Variants in PFKFB3 observed in about 807,000 individuals in gnomAD.
PFKFB3 encodes the protein 6-phosphofructo-2-kinase/fructose-2,6-bisphosphatase 3.
In PFKFB3, 33 loss-of-function variants were observed where a neutral mutation model predicts 68.0. The observed-to-expected ratio is 0.49, with a 90% CI of 0.37 to 0.65. The LOEUF is 0.65. Among genes scored for constraint, PFKFB3 ranks in the 30% least tolerant of loss-of-function variants. PFKFB3 has a pLI of 0.00. For synonymous variants in PFKFB3, 315 were observed against 288.2 expected (o/e 1.09, Z -0.94); for missense variants, 586 against 712.2 (o/e 0.82, Z 2.02).
chr10:6,204,563 C>A (rs1416693832), intron 1 of PFKFB3, among the ~76,000 whole-genome samples: 1 of 152,256 alleles, frequency 6.6e-6, no homozygotes, highest in Non-Finnish European at 1.5e-5. Context: ...AGCAGATCCA[C>A]CCTGGTGGAC....
rs1183490047 is a variant in PFKFB3, at chr10:6,175,231, A to C, written c.16+30218A>C. ...GAGAGAATATGAGGTTGTCATTTCA[A>C]TGGCCATTATGACCAGAAAATTGTG... On this transcript the variant is annotated intron_variant, in intron 1 of 14. Transcript: ENST00000379789. Among the ~76,000 whole-genome samples, 3 of 152,166 alleles carry C rather than the reference A, an allele frequency of 2.0e-5. No individual in the cohort carries two copies. In the East Asian group the frequency reaches 5.8e-4, roughly 29 times the overall value.
rs1844475749 is a variant in PFKFB3, at chr10:6,215,116, G to A, written c.203-105G>A. 1 of 867,482 alleles carries A rather than the reference G, an allele frequency of 1.2e-6. No homozygotes were observed. Among genetic ancestry groups the A allele is most frequent in the Non-Finnish European group, 1.9e-6 (1 of 526,198 alleles). The allele number at this position is 867,482 out of a possible 1,614,324, so 53.7% of individuals were successfully genotyped here. A position where few individuals can be genotyped will look rare whatever the true frequency, so the allele number is the denominator to read the frequency against. The stretch of plus-strand genomic sequence containing the variant: ...TCCACACCATCTCATTCAAGTCGGT[G>A]TGGTTGGCCTGGTGGCTCTTCCTTT... On this transcript the variant is annotated intron_variant, in intron 2 of 14. Coordinates refer to ENST00000379775, the MANE Select transcript of PFKFB3 (RefSeq NM_004566.4). This position sits in a 1 kb window ranked among gnomAD's most constrained non-coding sequence, Gnocchi z 4.3.
At chr10:6,195,379 T>C (rs949142347) in intron 1 of PFKFB3, among the ~76,000 whole-genome samples, 1 of 152,132 alleles carries the variant, frequency 6.6e-6, no homozygotes, top group Admixed American at 6.5e-5. Context: ...TGTGTCTGGG[T>C]CTGCACAATA....
the PFKFB3 span, among the ~76,000 whole-genome samples, chr10:6,260,178 C>T: frequency 6.6e-6 from 1 of 152,092 alleles, no homozygotes; most frequent in Non-Finnish European, 1.5e-5. Context: ...CTTTGGGAGG[C>T]TGAGGCAGGT....
chr10:6,162,125 G>A (rs1371578632), intron 1 of PFKFB3, among the ~76,000 whole-genome samples: 1 of 151,214 alleles, frequency 6.6e-6, no homozygotes, highest in Non-Finnish European at 1.5e-5. Context: ...TCATGTGAGT[G>A]GAATCTTACA....
chr10:6,294,576 G>A, the PFKFB3 span: 259 of 167,966 alleles, frequency 1.5e-3, no homozygotes, highest in African/African-American at 5.7e-3. Context: ...TGGGAATTAC[G>A]GGAGCTACAA....
chr10:6,237,228 T>C (rs554084638), downstream of PFKFB3, among the ~76,000 whole-genome samples: 2 of 152,368 alleles, frequency 1.3e-5, no homozygotes, highest in South Asian at 4.1e-4. Context: ...TCGCAGTGTG[T>C]GTTGAATGCC....
chr10:6,231,424 T>C (rs1365393298), intron 14 of PFKFB3: 5 of 1,559,970 alleles, frequency 3.2e-6, no homozygotes, highest in South Asian at 2.3e-5. Flanking sequence ...CATGCCGAGG[T>C]TGTTAAGTGC....
chr10:6,172,227 G>T (rs546770153), intron 1 of PFKFB3, among the ~76,000 whole-genome samples: 1 of 152,216 alleles, frequency 6.6e-6, no homozygotes, highest in Non-Finnish European at 1.5e-5. Flanking sequence ...TGCAGCCCAC[G>T]TCGGGAGGGC....
the PFKFB3 span, among the ~76,000 whole-genome samples, chr10:6,280,670 G>A: frequency 6.6e-6 from 1 of 152,150 alleles, no homozygotes; most frequent in South Asian, 2.1e-4. Flanking sequence ...GGGGCATGAG[G>A]CTCTCTAGGA....
At chr10:6,200,286 G>A (rs143329297), upstream of PFKFB3, among the ~76,000 whole-genome samples, 567 of 152,160 alleles carry the variant, frequency 3.7e-3, 2 homozygotes, top group African/African-American at 0.013. Context: ...CGTATTAGAG[G>A]AACATTTACG....
Position 6,185,340 on chromosome 10 carries a change from T to G in PFKFB3, c.17-28283T>G, listed in dbSNP as rs143166519. On this transcript the variant is annotated intron_variant, in intron 1 of 14. Coordinates refer to the PFKFB3 transcript ENST00000379789. ...GTTCCACTCATCCGCTTACTCACAG[T>G]GGCAGGAGGGTTAGCCACTAAGCTG... 7.7e-4 allele frequency among the ~76,000 whole-genome samples: 118 copies of G among 152,372 alleles called. No individual in the cohort carries two copies. In the East Asian group the frequency reaches 0.02, roughly 26 times the overall value.
chr10:6,290,189 C>T, the PFKFB3 span, among the ~76,000 whole-genome samples: 1 of 151,904 alleles, frequency 6.6e-6, no homozygotes, highest in Non-Finnish European at 1.5e-5. Context: ...AATTGAATAC[C>T]CTTTATTTCC....
the PFKFB3 span, among the ~76,000 whole-genome samples, chr10:6,296,368 A>G: frequency 6.6e-6 from 1 of 152,190 alleles, no homozygotes; most frequent in Non-Finnish European, 1.5e-5. Flanking sequence ...ATGTTACCGG[A>G]AAGGGGTCCC....
chr10:6,326,245 G>A, the PFKFB3 span, among the ~76,000 whole-genome samples: 6 of 152,150 alleles, frequency 3.9e-5, no homozygotes, highest in African/African-American at 1.2e-4. Context: ...AGAACCCGTG[G>A]ACACAGGGAG....
chr10:6,220,709 C>G lies in PFKFB3; in HGVS notation c.675C>G (p.Asn225Lys). 1.2e-6 allele frequency: 2 copies of G among 1,614,060 alleles called. No homozygotes were observed. Among genetic ancestry groups the G allele is most frequent in the Non-Finnish European group, 1.7e-6 (2 of 1,180,028 alleles). ...VIDVGRRFLV[N>K]RVQDHIQSRI... ...ACGTGGGCCGGAGGTTCCTGGTGAA[C>G]CGGGTGCAGGACCACATCCAGAGCC... Residue 225 changes from asparagine to lysine, a missense_variant, in exon 8 of 15, where the codon AAC (asparagine) becomes AAG (lysine). By Grantham distance (94) the Asn-to-Lys change is moderately conservative. Coordinates refer to ENST00000379775, the MANE Select transcript of PFKFB3 (RefSeq NM_004566.4). The surrounding 1 kb of genome is among the most constrained non-coding windows in gnomAD (Gnocchi z 4.1).
chr10:6,301,928 C>T, the PFKFB3 span, among the ~76,000 whole-genome samples: 1 of 152,334 alleles, frequency 6.6e-6, no homozygotes, highest in Admixed American at 6.5e-5. Context: ...GTAAGTTCCC[C>T]ACCACACAGG....
rs1215320398 is a variant in PFKFB3 at position 6,213,608 on chromosome 10, T to G, written c.77-15T>G. The G allele has an allele frequency of 6.2e-7, 1 of 1,609,330 alleles. No individual in the cohort carries two copies. Among genetic ancestry groups the G allele is most frequent in the East Asian group, 2.2e-5 (1 of 44,676 alleles). On this transcript the variant is annotated splice_polypyrimidine_tract_variant and intron_variant, in intron 1 of 14. Transcript: ENST00000379775. ...CACTTGGTTGATGACACACCCTTCT[T>G]GCTTGTTTTTCCAGCCTGTGGGCCA...
Position 6,235,422 on chromosome 10 carries a change from G to T in PFKFB3, c.*2480G>T, listed in dbSNP as rs1339259510. The T allele has an allele frequency of 6.6e-6, 1 of 152,320 alleles. No homozygotes were observed. The highest frequency in any genetic ancestry group is 1.5e-5 in the Non-Finnish European group (1 of 68,048). 9.4% of individuals were successfully genotyped at this position (152,320 alleles called of 1,614,324 possible). On this transcript the variant is annotated 3_prime_UTR_variant, in exon 15 of 15. Transcript: ENST00000379775. The stretch of plus-strand genomic sequence containing the variant: ...TTCTCTGTGTTCTGTGTATTTGTCT[G>T]AATTAATGACCTGGGATATAAAGCT...
Sources: gnomAD v4.1 joint callset for allele counts (sites outside exome capture counted in the v4.1 genomes callset) on GRCh38, gnomAD v4.1.1 for gene constraint, Gnocchi (gnomAD v3.1) non-coding constraint, MANE v1.5 for transcripts, NCBI Gene and HGNC (gene_info 2026-07-23, HGNC 2026-07-21) for gene names.